PIGU: variants seen among roughly 807,000 people sequenced by gnomAD.
The protein encoded by PIGU is phosphatidylinositol glycan anchor biosynthesis class U.
A neutral mutation model predicts 49.9 loss-of-function variants in PIGU; 24 were observed. The observed-to-expected ratio is 0.48, with a 90% confidence interval of 0.35 to 0.68. The LOEUF (loss-of-function observed/expected upper bound fraction) is 0.68, where lower values mean the gene tolerates loss of function less well. Ranked by LOEUF, PIGU falls within the 30% of genes least tolerant of loss-of-function variation. PIGU has a pLI of 0.01. For missense variants in PIGU, 490 were observed against 532.6 expected, an observed-to-expected ratio of 0.92 and a Z score of 0.79; for synonymous variants, 220 against 205.7, an observed-to-expected ratio of 1.07 and a Z score of -0.59.
chr20:34,642,821 G>T (rs573223280), intron 4 of PIGU, among the ~76,000 whole-genome samples: 1 of 144,432 alleles, frequency 6.9e-6, no homozygotes, highest in African/African-American at 2.6e-5. Flanking sequence ...ACAGTGGCGC[G>T]ATCTTGGCTC....
chr20:34,671,260 T>G (rs1403777189), intron 1 of PIGU, among the ~76,000 whole-genome samples: 2 of 152,090 alleles, frequency 1.3e-5, no homozygotes, highest in African/African-American at 2.4e-5. Context: ...AATTTCTTTC[T>G]TTTCTTCTTC....
At chr20:34,580,390 G>A (rs746773700) in intron 10 of PIGU, among the ~76,000 whole-genome samples, 2 of 152,202 alleles carry the variant, frequency 1.3e-5, no homozygotes, top group South Asian at 2.1e-4. Context: ...ACCTGCAGGC[G>A]TAGCCCTGGC....
At chr20:34,561,671 C>G (rs945833624) in intron 11 of PIGU, among the ~76,000 whole-genome samples, 1 of 152,144 alleles carries the variant, frequency 6.6e-6, no homozygotes, top group Non-Finnish European at 1.5e-5. Flanking sequence ...AAAGGCTTCC[C>G]AAGCCTTAGG....
chr20:34,617,176 C>T (rs939821081), intron 6 of PIGU, among the ~76,000 whole-genome samples: 6 of 152,200 alleles, frequency 3.9e-5, no homozygotes, highest in Non-Finnish European at 8.8e-5. Context: ...GGGTCGGAGC[C>T]CCCACACAGA....
chr20:34,658,247 G>A (rs571122437), intron 1 of PIGU, among the ~76,000 whole-genome samples: 95 of 152,300 alleles, frequency 6.2e-4, no homozygotes, highest in African/African-American at 2.2e-3. Context: ...CGCCAACCTC[G>A]GCCTCCCGAG....
At chr20:34,645,049 T>G (rs1334256695) in intron 3 of PIGU, among the ~76,000 whole-genome samples, 1 of 152,062 alleles carries the variant, frequency 6.6e-6, no homozygotes, top group African/African-American at 2.4e-5. Context: ...GTTTTTTGTT[T>G]TTTTCTTAAA....
At position 34,655,330 on chromosome 20, in the gene PIGU, G is replaced by GT. The variant is rs1390389660; in HGVS notation, c.195+1849dup. Among the ~76,000 whole-genome samples, 4 of 117,526 alleles carry GT rather than the reference G, an allele frequency of 3.4e-5. 2 individuals are homozygous for GT. Among genetic ancestry groups the GT allele is most frequent in the Non-Finnish European group, 7.2e-5 (4 of 55,492 alleles). 77.1% of individuals were successfully genotyped at this position (117,526 alleles called of 152,430 possible). A position where few individuals can be genotyped will look rare whatever the true frequency, so the allele number is the denominator to read the frequency against. Reference sequence around the variant, plus strand: ...GTCTTTAAAAAAAAAAAATTAGAAGGTACATTGTCAAATTAGAAAACTTCT... The same window carrying GT: ...GTCTTTAAAAAAAAAAAATTAGAAGGTTACATTGTCAAATTAGAAAACTTCT... On this transcript the variant is annotated intron_variant, in intron 2 of 11. Coordinates refer to ENST00000217446, the MANE Select transcript of PIGU (RefSeq NM_080476.5).
intron 6 of PIGU, among the ~76,000 whole-genome samples, chr20:34,617,071 C>A (rs140478303): frequency 0.01 from 1,530 of 152,336 alleles, 26 homozygotes; most frequent in African/African-American, 0.034. Context: ...GATTGTACCA[C>A]AGCACTCCAG....
At chr20:34,657,151 T>A (rs1270814272) in intron 2 of PIGU, 29 bp downstream of exon 2, 1 of 1,549,510 alleles carries the variant, frequency 6.5e-7, no homozygotes, top group South Asian at 1.1e-5. Context: ...CTACTCTTGG[T>A]ACCCAGAAAA....
intron 6 of PIGU, among the ~76,000 whole-genome samples, chr20:34,631,856 T>C (rs1376288963): frequency 7.3e-6 from 1 of 136,100 alleles, no homozygotes; most frequent in African/African-American, 2.7e-5. Context: ...TCTCCTTTTC[T>C]TGAGGCAGGG....
intron 1 of PIGU, among the ~76,000 whole-genome samples, chr20:34,663,757 T>C (rs1232110446): frequency 6.6e-6 from 1 of 152,206 alleles, no homozygotes; most frequent in Non-Finnish European, 1.5e-5. Flanking sequence ...ACAGCTTTAC[T>C]GGAGACCCAA....
At chr20:34,626,207 T>A (rs1175643998) in intron 6 of PIGU, among the ~76,000 whole-genome samples, 2 of 151,970 alleles carry the variant, frequency 1.3e-5, no homozygotes, top group South Asian at 2.1e-4. Context: ...TAGGATAGGT[T>A]CTCAAAAGTA....
intron 7 of PIGU, among the ~76,000 whole-genome samples, chr20:34,601,478 A>G (rs1984422946): frequency 6.6e-6 from 1 of 152,220 alleles, no homozygotes; most frequent in Non-Finnish European, 1.5e-5. Context: ...TATAAACACT[A>G]GAGCCAAACT....
At chr20:34,590,254 A>T (rs936510304) in intron 7 of PIGU, among the ~76,000 whole-genome samples, 2 of 152,114 alleles carry the variant, frequency 1.3e-5, no homozygotes, top group African/African-American at 4.8e-5. Context: ...AAACTGTATA[A>T]CTAAAAATCA....
chr20:34,634,505 G>T, intron 6 of PIGU, 110 bp downstream of exon 6: 6 of 1,362,946 alleles, frequency 4.4e-6, no homozygotes, highest in Non-Finnish European at 2.9e-6. Context: ...TTTTAAAAAT[G>T]TTTTTAAGTG....
chr20:34,568,887 G>A (rs1449289247), intron 11 of PIGU, among the ~76,000 whole-genome samples: 1 of 152,182 alleles, frequency 6.6e-6, no homozygotes, highest in Non-Finnish European at 1.5e-5. Context: ...GAGGAGTAGG[G>A]TTCCAGATGA....
Position 34,676,998 on chromosome 20 carries a change from C to CGGAAAT in PIGU, c.82_87dup (p.Ile28_Ser29dup). On this transcript the variant is annotated inframe_insertion, in exon 1 of 12. Transcript: ENST00000217446. Reference sequence around the variant, plus strand: ...AGTGGGGACACCACCTCCACCCGCTCGGAAATGAACTCGGCCAGACTGGAG... The same window carrying CGGAAAT: ...AGTGGGGACACCACCTCCACCCGCTCGGAAATGGAAATGAACTCGGCCAGACTGGAG... 1.3e-6 allele frequency: 2 copies of CGGAAAT among 1,583,328 alleles called. No individual in the cohort carries two copies. Among genetic ancestry groups the CGGAAAT allele is most frequent in the Non-Finnish European group, 1.7e-6 (2 of 1,165,614 alleles).
intron 1 of PIGU, among the ~76,000 whole-genome samples, chr20:34,675,040 G>C (rs568201076): frequency 1.9e-4 from 29 of 151,674 alleles, no homozygotes; most frequent in African/African-American, 6.8e-4. Flanking sequence ...CCTGAGGTCG[G>C]GAGTTCAAGA....
intron 6 of PIGU, among the ~76,000 whole-genome samples, chr20:34,630,515 T>C (rs1320120665): frequency 6.6e-6 from 1 of 152,130 alleles, no homozygotes; most frequent in Non-Finnish European, 1.5e-5. Context: ...GATGATGACA[T>C]TTGTAAATGC....
Sources: allele counts gnomAD v4.1 joint callset (sites outside exome capture counted in the v4.1 genomes callset), GRCh38; gene constraint gnomAD v4.1.1; transcripts MANE v1.5; gene names NCBI Gene and HGNC (gene_info 2026-07-23, HGNC 2026-07-21).